NYAP2: variants seen among roughly 807,000 people sequenced by gnomAD.
NYAP2 encodes the protein neuronal tyrosine-phosphorylated phosphoinositide-3-kinase adapter 2.
NYAP2 carries 23 observed loss-of-function variants against 50.4 expected under a neutral mutation model. The ratio of observed to expected loss-of-function variants is 0.46; its 90% confidence interval spans 0.33 to 0.65. The LOEUF is 0.65. Ranked by LOEUF, NYAP2 falls within the 30% of genes least tolerant of loss-of-function variation. The probability of loss-of-function intolerance (pLI) is 0.02; values close to 1 mark genes in which losing one functional copy is unlikely to be tolerated. For synonymous variants in NYAP2, 394 were observed against 365.2 expected (o/e 1.08, Z -0.90); for missense variants, 885 against 861.0 (o/e 1.03, Z -0.35).
chr2:225,660,883 G>T, the NYAP2 span, among the ~76,000 whole-genome samples: 2 of 151,922 alleles, frequency 1.3e-5, no homozygotes, highest in African/African-American at 4.8e-5. Flanking sequence ...ATAATACTTA[G>T]GGGAAAAATG....
rs1388159841 is a variant in NYAP2, at chr2:225,405,099, G to T, written c.-17-3765G>T. ...ACCAATGCTCAGGGAGCAGGGAAGG[G>T]GCTAAAATATCTAATTTGTTTTGAG... On this transcript the variant is annotated intron_variant, in intron 2 of 6. Coordinates refer to ENST00000636099, the Ensembl canonical transcript of NYAP2. 1.3e-4 allele frequency among the ~76,000 whole-genome samples: 20 copies of T among 152,072 alleles called. 1 individual carries two copies. In the East Asian group the frequency reaches 3.7e-3, roughly 28 times the overall value.
At chr2:225,595,913 A>G (rs1235128301) in intron 5 of NYAP2, among the ~76,000 whole-genome samples, 1 of 152,150 alleles carries the variant, frequency 6.6e-6, no homozygotes, top group East Asian at 1.9e-4. Flanking sequence ...CTCACCCCAG[A>G]GTTACATGAG....
At chr2:225,509,457 T>C (rs751721762) in intron 3 of NYAP2, among the ~76,000 whole-genome samples, 1 of 152,212 alleles carries the variant, frequency 6.6e-6, no homozygotes, top group African/African-American at 2.4e-5. Flanking sequence ...TTGCCCAGGC[T>C]GGAGTGGTGC....
intron 5 of NYAP2, among the ~76,000 whole-genome samples, chr2:225,618,375 C>T (rs1693025871): frequency 6.6e-6 from 1 of 152,190 alleles, no homozygotes; most frequent in Admixed American, 6.5e-5. Context: ...CAGATCAGGG[C>T]TTACAATAAA....
the NYAP2 span, among the ~76,000 whole-genome samples, chr2:225,666,614 CT>C: frequency 6.6e-6 from 1 of 152,042 alleles, no homozygotes; most frequent in Non-Finnish European, 1.5e-5. Flanking sequence ...TGTTTAAACA[CT>C]TGAGATCAAT....
intron 4 of NYAP2, among the ~76,000 whole-genome samples, chr2:225,533,310 C>T (rs184594402): frequency 1.1e-4 from 17 of 152,240 alleles, no homozygotes; most frequent in African/African-American, 4.1e-4. Context: ...TCTCCATATA[C>T]AATCATTATT....
chr2:225,507,673 CA>C, intron 3 of NYAP2, among the ~76,000 whole-genome samples: 1 of 152,318 alleles, frequency 6.6e-6, no homozygotes, highest in South Asian at 2.1e-4. Context: ...GCTTTACAGG[CA>C]TGGCCTTATA....
At chr2:225,511,808 T>C (rs1690823458) in intron 3 of NYAP2, among the ~76,000 whole-genome samples, 1 of 152,180 alleles carries the variant, frequency 6.6e-6, no homozygotes, top group Admixed American at 6.6e-5. Context: ...TGTAACGATA[T>C]GAAAGATATA....
chr2:225,453,231 A>C (rs1689682288), intron 3 of NYAP2, among the ~76,000 whole-genome samples: 1 of 152,218 alleles, frequency 6.6e-6, no homozygotes, highest in Non-Finnish European at 1.5e-5. Context: ...AGTAAAGGCC[A>C]TTCAAACACT....
At chr2:225,415,678 T>C (rs1220388827) in intron 3 of NYAP2, among the ~76,000 whole-genome samples, 2 of 152,158 alleles carry the variant, frequency 1.3e-5, no homozygotes, top group Admixed American at 1.3e-4. Context: ...ATTGGAGGCA[T>C]GTAGAAAAGT....
intron 3 of NYAP2, among the ~76,000 whole-genome samples, chr2:225,415,260 T>A (rs1320772284): frequency 6.6e-6 from 1 of 152,210 alleles, no homozygotes; most frequent in Admixed American, 6.6e-5. Context: ...TTTGAAAGAT[T>A]CAGTATTTCT....
chr2:225,603,922 A>AT (rs1223301980), intron 5 of NYAP2, among the ~76,000 whole-genome samples: 2 of 152,174 alleles, frequency 1.3e-5, no homozygotes, highest in East Asian at 3.9e-4. Flanking sequence ...TGAGACCTTC[A>AT]TTTTTTTACT....
chr2:225,499,212 A>C (rs1392179703), intron 3 of NYAP2, among the ~76,000 whole-genome samples: 2 of 152,224 alleles, frequency 1.3e-5, no homozygotes, highest in Admixed American at 6.5e-5. Flanking sequence ...AGGACATTCC[A>C]GAAAGAAGCT....
intron 3 of NYAP2, among the ~76,000 whole-genome samples, chr2:225,474,836 T>A (rs1470176142): frequency 6.6e-6 from 1 of 152,248 alleles, no homozygotes; most frequent in African/African-American, 2.4e-5. Flanking sequence ...GGCCAAAACT[T>A]CCAACACTAT....
chr2:225,403,399 G>A (rs955612480), intron 2 of NYAP2, among the ~76,000 whole-genome samples: 1 of 151,966 alleles, frequency 6.6e-6, no homozygotes, highest in Non-Finnish European at 1.5e-5. Context: ...CAGGACATTT[G>A]TTCCATTCTA....
At chr2:225,516,384 G>A (rs1375273637) in intron 4 of NYAP2, among the ~76,000 whole-genome samples, 1 of 152,172 alleles carries the variant, frequency 6.6e-6, no homozygotes, top group African/African-American at 2.4e-5. Context: ...TACTTGATAG[G>A]TAGTGAGCTC....
At chr2:225,401,902 C>G (rs1694869503) in intron 2 of NYAP2, among the ~76,000 whole-genome samples, 2 of 151,756 alleles carry the variant, frequency 1.3e-5, no homozygotes, top group Admixed American at 6.6e-5. Context: ...TAGTTTTAGT[C>G]ATTTTAACAT....
chr2:225,436,389 G>T (rs2106137407), intron 3 of NYAP2, among the ~76,000 whole-genome samples: 1 of 152,254 alleles, frequency 6.6e-6, no homozygotes, highest in Non-Finnish European at 1.5e-5. Context: ...GACATGGTTT[G>T]CTGACAATCT....
chr2:225,644,922 A>G (rs1693601784), intron 6 of NYAP2, among the ~76,000 whole-genome samples: 1 of 152,102 alleles, frequency 6.6e-6, no homozygotes, highest in Admixed American at 6.6e-5. Context: ...TTGGTGATGC[A>G]GGCTCTTTTT....
Sources: allele counts gnomAD v4.1 joint callset (sites outside exome capture counted in the v4.1 genomes callset), GRCh38; gene constraint gnomAD v4.1.1; transcripts MANE v1.5; gene names NCBI Gene and HGNC (gene_info 2026-07-23, HGNC 2026-07-21).